Variants in ZIM2 observed in about 807,000 individuals in gnomAD.
ZIM2 encodes the protein zinc finger imprinted 2, also known as zinc finger protein 656.
Under a neutral mutation model 38.6 loss-of-function variants are expected in ZIM2, and 14 were observed. The observed-to-expected ratio is 0.36, with a 90% CI of 0.24 to 0.57. The LOEUF (loss-of-function observed/expected upper bound fraction) is 0.57. Ranked by LOEUF, ZIM2 falls within the 20% of genes least tolerant of loss-of-function variation. The pLI is 0.81. For synonymous variants in ZIM2, 247 were observed against 245.8 expected (o/e 1.00, Z -0.04); for missense variants, 680 against 695.1 (o/e 0.98, Z 0.24).
intron 1 of ZIM2, among the ~76,000 whole-genome samples, chr19:56,837,127 T>C (rs1368846954): frequency 1.3e-5 from 2 of 152,074 alleles, no homozygotes; most frequent in African/African-American, 4.8e-5. Flanking sequence ...TAGGACTCCG[T>C]AGGAGAGCTA....
chr19:56,820,489 A>G (rs2060376008), intron 7 of ZIM2, among the ~76,000 whole-genome samples: 1 of 152,234 alleles, frequency 6.6e-6, no homozygotes, highest in African/African-American at 2.4e-5. Flanking sequence ...CCAGGCCCAC[A>G]CATGCCTCCA....
At chr19:56,816,388 C>T (rs2146194748) in intron 9 of ZIM2, 2 of 1,614,068 alleles carry the variant, frequency 1.2e-6, no homozygotes, top group Non-Finnish European at 8.5e-7. Flanking sequence ...TGTAAAGTCA[C>T]AGAGCTTCTC....
At position 56,814,646 on chromosome 19, in the gene ZIM2, C is replaced by G; in HGVS notation, c.490+3100G>C. ...CTCTGAAACTCAGTGAGGGCTAAGC[C>G]TGGAATGATAGCTTCCTCAGCCATC... On this transcript the variant is annotated intron_variant, in intron 9 of 12. Coordinates refer to ENST00000629319, the MANE Select transcript of ZIM2 (RefSeq NM_001387356.1). The surrounding 1 kb of genome is among the most constrained non-coding windows in gnomAD (Gnocchi z 5.8). 6.2e-7 allele frequency: 1 copy of G among 1,614,154 alleles called. No individual in the cohort carries two copies. The highest frequency in any genetic ancestry group is 8.5e-7 in the Non-Finnish European group (1 of 1,180,032).
chr19:56,814,337 C>G lies in ZIM2; in HGVS notation c.490+3409G>C. 1 of 1,613,376 alleles carries G rather than the reference C, an allele frequency of 6.2e-7. No individual in the cohort carries two copies. Among genetic ancestry groups the G allele is most frequent in the Non-Finnish European group, 8.5e-7 (1 of 1,179,484 alleles). ...TTGGCTTCAACTTCCTGGGCTGCTG[C>G]TGCTGCAGCTGCTGCTGCTTCATCT... On this transcript the variant is annotated intron_variant, in intron 9 of 12. Transcript: ENST00000629319. This position sits in a 1 kb window ranked among gnomAD's most constrained non-coding sequence, Gnocchi z 5.8.
chr19:56,837,965 CA>C (rs2062378422), intron 1 of ZIM2, among the ~76,000 whole-genome samples: 1 of 152,234 alleles, frequency 6.6e-6, no homozygotes, highest in Non-Finnish European at 1.5e-5. Context: ...AGACAAGACA[CA>C]CATGCTATGG....
chr19:56,821,659 G>C lies in ZIM2; in HGVS notation c.286C>G (p.Arg96Gly), dbSNP rs376551135. The C allele has an allele frequency of 1.2e-6, 2 of 1,613,738 alleles. No homozygotes were observed. Among genetic ancestry groups the C allele is most frequent in the African/African-American group, 2.7e-5 (2 of 74,894 alleles). The part of the protein sequence containing the change: ...DDRDSRAYES[R>G]SQDAESYQNV... ...AGGAAACCTGAGCATACCTGAGATC[G>C]GGACTCATAAGCCCTGGAGTCCCTG... The change falls in exon 7 of 13, where the codon CGA becomes GGA. Residue 96 changes from arginine (R) to glycine (G), a missense_variant. Transcript: ENST00000629319.
intron 10 of ZIM2, 186 bp from the exon 11 acceptor site, chr19:56,782,307 C>A: frequency 2.6e-6 from 2 of 774,826 alleles, no homozygotes; most frequent in South Asian, 3.6e-5. Flanking sequence ...TTGCTAATTA[C>A]TACAGATTTG....
chr19:56,837,469 T>A (rs1396479907), intron 1 of ZIM2, among the ~76,000 whole-genome samples: 4 of 152,126 alleles, frequency 2.6e-5, no homozygotes, highest in Non-Finnish European at 4.4e-5. Context: ...TCCCCAAATC[T>A]CTTAAAACGT....
At chr19:56,823,507 T>A in intron 5 of ZIM2, 83 bp downstream of exon 5, 1 of 1,539,812 alleles carries the variant, frequency 6.5e-7, no homozygotes, top group Non-Finnish European at 9.0e-7. Context: ...GTCATCTTCA[T>A]GGAGGCCCCA....
chr19:56,817,131 G>C (rs200534773), intron 9 of ZIM2: 3 of 1,614,138 alleles, frequency 1.9e-6, no homozygotes, highest in Non-Finnish European at 2.5e-6. Flanking sequence ...CGGTAAAGGA[G>C]GGGGAGCTGA....
At chr19:56,778,169 C>CA (rs1484789279) in intron 12 of ZIM2, among the ~76,000 whole-genome samples, 1 of 152,212 alleles carries the variant, frequency 6.6e-6, no homozygotes, top group Non-Finnish European at 1.5e-5. Context: ...CATTAGAATG[C>CA]AAGCTCTATG....
chr19:56,823,495 G>T, intron 5 of ZIM2, 95 bp downstream of exon 5: 1 of 1,416,194 alleles, frequency 7.1e-7, no homozygotes, highest in Non-Finnish European at 9.9e-7. Context: ...CGGGGATGGC[G>T]GGTCATCTTC....
At chr19:56,786,810 G>GT in intron 10 of ZIM2, among the ~76,000 whole-genome samples, 1 of 152,024 alleles carries the variant, frequency 6.6e-6, no homozygotes, top group East Asian at 1.9e-4. Context: ...GTACTGTACT[G>GT]TTTTATTGTT....
At chr19:56,789,976 G>A in intron 9 of ZIM2, 25 bp from the exon 10 acceptor site, 1 of 1,509,490 alleles carries the variant, frequency 6.6e-7, no homozygotes, top group East Asian at 2.3e-5. Context: ...GGAATACCAT[G>A]GAATTGAGTC....
At chr19:56,807,809 T>A (rs1380686821) in intron 9 of ZIM2, among the ~76,000 whole-genome samples, 2 of 151,378 alleles carry the variant, frequency 1.3e-5, no homozygotes, top group Non-Finnish European at 3.0e-5. Context: ...AAAAGAAAAT[T>A]AAAAAGAAAA....
At chr19:56,837,568 G>A (rs1275582872) in intron 1 of ZIM2, among the ~76,000 whole-genome samples, 7 of 152,190 alleles carry the variant, frequency 4.6e-5, no homozygotes, top group Non-Finnish European at 8.8e-5. Flanking sequence ...TGGCTTTGGC[G>A]CCCCCTGGAG....
At chr19:56,792,024 G>GTTTTT (rs36087082) in intron 9 of ZIM2, among the ~76,000 whole-genome samples, 2 of 134,622 alleles carry the variant, frequency 1.5e-5, no homozygotes, top group Non-Finnish European at 3.2e-5. Flanking sequence ...AATCCCAGGA[G>GTTTTT]TTTTTTTTTT....
In ZIM2 at chr19:56,815,734, T is replaced by C. The variant is rs202149040; in HGVS notation, c.490+2012A>G. On this transcript the variant is annotated intron_variant, in intron 9 of 12. Coordinates refer to ENST00000629319, the MANE Select transcript of ZIM2 (RefSeq NM_001387356.1). ...CTCTCCAGGAACACTTTTCTGAGGT[T>C]TGGCACGGAATACACTCTGTATGAC... 186 of 1,614,096 alleles carry C rather than the reference T, an allele frequency of 1.2e-4. 1 individual carries two copies. Among genetic ancestry groups the C allele is most frequent in the Middle Eastern group, 1.6e-4 (1 of 6,084 alleles).
At chr19:56,787,710 GTTTTTTTTTT>G (rs56289231) in intron 10 of ZIM2, among the ~76,000 whole-genome samples, 2 of 105,858 alleles carry the variant, frequency 1.9e-5, no homozygotes, top group African/African-American at 7.1e-5. Context: ...CTGGTCCTGG[GTTTTTTTTTT>G]TTTTTTTTTG....
Sources: allele counts gnomAD v4.1 joint callset (sites outside exome capture counted in the v4.1 genomes callset), GRCh38; gene constraint gnomAD v4.1.1; non-coding constraint Gnocchi (gnomAD v3.1); transcripts MANE v1.5; gene names NCBI Gene and HGNC (gene_info 2026-07-23, HGNC 2026-07-21).